GALNT14: variants seen among roughly 807,000 people sequenced by gnomAD.
GALNT14 encodes polypeptide N-acetylgalactosaminyltransferase 14, also known as UDP-GalNAc:polypeptide N-acetylgalactosaminyltransferase 14.
In GALNT14, 60 loss-of-function variants were observed where a neutral mutation model predicts 77.5. The observed-to-expected ratio is 0.77, with a 90% CI of 0.63 to 0.96. The LOEUF (loss-of-function observed/expected upper bound fraction) is 0.96, where lower values mean the gene tolerates loss of function less well. GALNT14 is among the 40% of genes least tolerant of loss of function. GALNT14 has a pLI of 0.00. For missense variants in GALNT14, 710 were observed against 731.0 expected (o/e 0.97, Z 0.33); for synonymous variants, 280 against 281.7 (o/e 0.99, Z 0.06).
chr2:31,098,743 T>A (rs1482796779), intron 1 of GALNT14, among the ~76,000 whole-genome samples: 2 of 152,096 alleles, frequency 1.3e-5, no homozygotes, highest in East Asian at 3.9e-4. Flanking sequence ...GACTTACCAA[T>A]AACATAAACA....
chr2:30,907,382 C>T (rs1484097922), downstream of GALNT14, among the ~76,000 whole-genome samples: 1 of 152,138 alleles, frequency 6.6e-6, no homozygotes, highest in Non-Finnish European at 1.5e-5. Flanking sequence ...GGGGATATCA[C>T]CACCGATCCC....
chr2:31,110,224 T>C (rs1355394766), intron 1 of GALNT14, among the ~76,000 whole-genome samples: 1 of 152,174 alleles, frequency 6.6e-6, no homozygotes, highest in African/African-American at 2.4e-5. Context: ...TAAATCCGTG[T>C]ATTATAAATG....
intron 1 of GALNT14, among the ~76,000 whole-genome samples, chr2:31,038,084 A>ATTTTTTTTTTTTTTTTT (rs1196402402): frequency 1.9e-5 from 1 of 52,664 alleles, no homozygotes; most frequent in Non-Finnish European, 3.2e-5. Flanking sequence ...ATATATATAT[A>ATTTTTTTTTTTTTTTTT]TTTTTTTTTT....
At chr2:31,052,940 G>A (rs536636220) in intron 1 of GALNT14, among the ~76,000 whole-genome samples, 17 of 152,280 alleles carry the variant, frequency 1.1e-4, no homozygotes, top group Non-Finnish European at 2.1e-4. Flanking sequence ...GAGGAGAGCC[G>A]TGAGGGCTAC....
chr2:30,921,131 G>T (rs1334232368), intron 13 of GALNT14, among the ~76,000 whole-genome samples: 3 of 152,078 alleles, frequency 2.0e-5, no homozygotes, highest in Admixed American at 2.0e-4. Context: ...TCAAATAAAG[G>T]CCTGACAACT....
chr2:31,017,774 G>T (rs956471176), intron 1 of GALNT14, among the ~76,000 whole-genome samples: 1 of 152,206 alleles, frequency 6.6e-6, no homozygotes, highest in Non-Finnish European at 1.5e-5. Flanking sequence ...GAAAGAGGGC[G>T]CTTGATGAAA....
intron 13 of GALNT14, 66 bp from the exon 14 acceptor site, chr2:30,912,408 C>T: frequency 6.3e-7 from 1 of 1,584,586 alleles, no homozygotes; most frequent in Non-Finnish European, 8.6e-7. Context: ...GGGATACAAC[C>T]ACACTTACGG....
the GALNT14 span, among the ~76,000 whole-genome samples, chr2:30,900,614 G>T: frequency 3.3e-5 from 5 of 152,054 alleles, no homozygotes; most frequent in Non-Finnish European, 7.4e-5. Flanking sequence ...CAGCACTAAG[G>T]GATTTTGGTC....
intron 1 of GALNT14, among the ~76,000 whole-genome samples, chr2:30,998,252 A>C (rs1168527114): frequency 6.6e-6 from 1 of 152,148 alleles, no homozygotes; most frequent in Non-Finnish European, 1.5e-5. Context: ...TCCTCCCACC[A>C]TGCTTCAAGG....
chr2:31,034,892 T>G (rs754238402), intron 1 of GALNT14, among the ~76,000 whole-genome samples: 1 of 152,258 alleles, frequency 6.6e-6, no homozygotes, highest in Non-Finnish European at 1.5e-5. Flanking sequence ...TTTCCACATA[T>G]TTGTGAATTT....
chr2:30,957,328 T>TA (rs1397492105), intron 4 of GALNT14, among the ~76,000 whole-genome samples: 1 of 152,150 alleles, frequency 6.6e-6, no homozygotes, highest in Non-Finnish European at 1.5e-5. Flanking sequence ...GGCACATAGC[T>TA]AGTGAGTGAT....
chr2:31,021,387 C>T (rs1671708084), intron 1 of GALNT14, among the ~76,000 whole-genome samples: 2 of 150,852 alleles, frequency 1.3e-5, no homozygotes. Context: ...TCACTGCAAC[C>T]TCCGCCTCCT....
At chr2:30,904,623 G>C in the GALNT14 span, among the ~76,000 whole-genome samples, 1 of 152,202 alleles carries the variant, frequency 6.6e-6, no homozygotes, top group African/African-American at 2.4e-5. Flanking sequence ...AGGCAGCAGC[G>C]AGGCTGGGGG....
At position 31,069,994 on chromosome 2, in the gene GALNT14, C is replaced by T. The variant is rs570686070; in HGVS notation, c.129+67964G>A. On this transcript the variant is annotated intron_variant, in intron 1 of 14. Transcript: ENST00000349752. ...AGAGGAGGAGGATGGCTTAATCAAC[C>T]GGGGGCAAAGTCACAATCCTTCCTG... Among the ~76,000 whole-genome samples the T allele has an allele frequency of 1.7e-4, 26 of 152,204 alleles. No individual in the cohort carries two copies. The East Asian group carries it at 2.9e-3, about 17-fold the overall frequency.
chr2:31,030,003 C>T (rs1042029376), intron 1 of GALNT14, among the ~76,000 whole-genome samples: 2 of 152,338 alleles, frequency 1.3e-5, no homozygotes, highest in East Asian at 3.9e-4. Flanking sequence ...AGGCACAGAA[C>T]ATCATTTCTA....
chr2:31,013,918 T>C (rs1004310963), intron 1 of GALNT14, among the ~76,000 whole-genome samples: 2 of 152,210 alleles, frequency 1.3e-5, no homozygotes, highest in Non-Finnish European at 2.9e-5. Flanking sequence ...TCTGACAATC[T>C]AAAAATAACG....
chr2:31,117,606 A>C (rs907971095), intron 1 of GALNT14, among the ~76,000 whole-genome samples: 1 of 152,226 alleles, frequency 6.6e-6, no homozygotes, highest in African/African-American at 2.4e-5. Flanking sequence ...ATAGGTGTAG[A>C]ACACAGAATT....
At chr2:31,070,050 T>C (rs1675253865) in intron 1 of GALNT14, among the ~76,000 whole-genome samples, 1 of 152,130 alleles carries the variant, frequency 6.6e-6, no homozygotes, top group African/African-American at 2.4e-5. Flanking sequence ...CCGAGTCCCA[T>C]GGAGCATCCT....
chr2:30,892,279 T>C, the GALNT14 span, among the ~76,000 whole-genome samples: 31 of 152,278 alleles, frequency 2.0e-4, no homozygotes, highest in African/African-American at 6.5e-4. Context: ...AGATGCCATC[T>C]AACAATCAAA....
Sources: gnomAD v4.1 joint callset for allele counts (sites outside exome capture counted in the v4.1 genomes callset) on GRCh38, gnomAD v4.1.1 for gene constraint, MANE v1.5 for transcripts, NCBI Gene and HGNC (gene_info 2026-07-23, HGNC 2026-07-21) for gene names.